The following SCN9A variants were observed in gnomAD, a reference collection of about 807,000 sequenced individuals.
SCN9A encodes the protein sodium channel protein type 9 subunit alpha.
Under a neutral mutation model 187.0 loss-of-function variants are expected in SCN9A, and 131 were observed. The ratio of observed to expected loss-of-function variants is 0.70; its 90% confidence interval spans 0.61 to 0.81. The LOEUF (loss-of-function observed/expected upper bound fraction) is 0.81, where lower values mean the gene tolerates loss of function less well. SCN9A is among the 30% of genes least tolerant of loss of function. The pLI is 0.00. For synonymous variants in SCN9A, 809 were observed against 808.6 expected (o/e 1.00, Z -0.01); for missense variants, 2,252 against 2,396.6 (o/e 0.94, Z 1.26).
At chr2:166,307,150 T>A in intron 2 of SCN9A, 76 bp from the exon 3 acceptor site, 1 of 825,492 alleles carries the variant, frequency 1.2e-6, no homozygotes, top group Non-Finnish European at 2.0e-6. Context: ...GCAGTTTACC[T>A]TTCTACATGG....
chr2:166,361,231 T>C (rs911007845), intron 1 of SCN9A, among the ~76,000 whole-genome samples: 1 of 152,198 alleles, frequency 6.6e-6, no homozygotes, highest in African/African-American at 2.4e-5. Context: ...TTAGTGATTT[T>C]AGCAACTTTC....
chr2:166,329,323 C>G (rs927281281), intron 1 of SCN9A, among the ~76,000 whole-genome samples: 7 of 152,084 alleles, frequency 4.6e-5, no homozygotes, highest in Admixed American at 1.3e-4. Flanking sequence ...TTTACCCCCG[C>G]AGCAAGTTAT....
intron 24 of SCN9A, among the ~76,000 whole-genome samples, chr2:166,220,964 T>C (rs190891490): frequency 6.6e-6 from 1 of 152,216 alleles, no homozygotes; most frequent in East Asian, 1.9e-4. Flanking sequence ...TTACTAGATG[T>C]TGAAGGATAT....
rs532419055 is a variant in SCN9A at position 166,293,099 on chromosome 2, T to C, written c.1107+132A>G. ...ATTAGTGATGGGAGTAAAACACTTA[T>C]AATTTTGGTAATAAGATAATAGAGT... On this transcript the variant is annotated intron_variant, in intron 9 of 26. Transcript: ENST00000642356. The C allele has an allele frequency of 5.5e-6, 4 of 721,788 alleles. No individual in the cohort carries two copies. The South Asian group carries it at 6.5e-5, about 12-fold the overall frequency. 44.7% of individuals were successfully genotyped at this position (721,788 alleles called of 1,614,324 possible).
chr2:166,303,965 A>C, intron 6 of SCN9A: 3 of 1,446,030 alleles, frequency 2.1e-6, no homozygotes, highest in Non-Finnish European at 9.6e-7. Flanking sequence ...TGCATAAAGA[A>C]AGGTTTTTTT....
At chr2:166,263,792 CA>C (rs1249631685) in intron 17 of SCN9A, among the ~76,000 whole-genome samples, 2 of 151,948 alleles carry the variant, frequency 1.3e-5, no homozygotes, top group African/African-American at 4.8e-5. Flanking sequence ...CCGAGACACA[CA>C]GGGAGAAAAC....
At chr2:166,228,581 A>G (rs2106386968) in intron 22 of SCN9A, 110 bp downstream of exon 22, 2 of 1,117,210 alleles carry the variant, frequency 1.8e-6, no homozygotes, top group South Asian at 1.7e-5. Context: ...TTTAAAAACC[A>G]CACAGTATTT....
chr2:166,306,029 G>A (rs1337294895), intron 4 of SCN9A, 109 bp from the exon 5 acceptor site: 2 of 1,308,592 alleles, frequency 1.5e-6, no homozygotes, highest in East Asian at 4.7e-5. Flanking sequence ...TATATTGGAG[G>A]ATGGCTGTTG....
At chr2:166,266,779 CTTG>C (rs1243004259) in intron 17 of SCN9A, among the ~76,000 whole-genome samples, 3 of 151,574 alleles carry the variant, frequency 2.0e-5, no homozygotes, top group African/African-American at 4.8e-5. Context: ...ATTTCACCTC[CTTG>C]TTTAAATTTA....
At chr2:166,222,976 C>CAAAAAAAAAAA (rs1694686070) in intron 24 of SCN9A, among the ~76,000 whole-genome samples, 1 of 59,498 alleles carries the variant, frequency 1.7e-5, no homozygotes, top group Non-Finnish European at 3.7e-5. Flanking sequence ...AAAAAAACAG[C>CAAAAAAAAAAA]AACAAAAAAC....
At position 166,280,414 on chromosome 2, in the gene SCN9A, A is replaced by G. The variant is rs2106475459; in HGVS notation, c.2286T>C (p.Ala762=). 6.3e-7 allele frequency: 1 copy of G among 1,592,222 alleles called. No homozygotes were observed. Among genetic ancestry groups the G allele is most frequent in the Non-Finnish European group, 8.6e-7 (1 of 1,167,828 alleles). ...ICIVLNTLFM[A]MEHHPMTEEF... Reference sequence around the variant, plus strand: ...CCTCAGTCATTGGGTGGTGTTCCATAGCCATAAATAATGTGTTTAAAACTA... The same window carrying G: ...CCTCAGTCATTGGGTGGTGTTCCATGGCCATAAATAATGTGTTTAAAACTA... Residue 762 remains alanine, a synonymous_variant, in exon 14 of 27, where the codon GCT becomes GCC. Coordinates refer to ENST00000642356, the MANE Select transcript of SCN9A (RefSeq NM_001365536.1).
intron 2 of SCN9A, among the ~76,000 whole-genome samples, chr2:166,311,174 C>A: frequency 7.8e-6 from 1 of 128,348 alleles, no homozygotes; most frequent in Non-Finnish European, 1.6e-5. Context: ...GTGCAGCGCA[C>A]CAGCATGGCA....
intron 17 of SCN9A, among the ~76,000 whole-genome samples, chr2:166,256,284 A>G (rs1374865862): frequency 2.0e-5 from 3 of 151,410 alleles, no homozygotes; most frequent in African/African-American, 7.3e-5. Flanking sequence ...TCTTGAGTGT[A>G]ATCACATTTC....
chr2:166,322,072 G>A (rs753169837), intron 1 of SCN9A, among the ~76,000 whole-genome samples: 2 of 152,122 alleles, frequency 1.3e-5, no homozygotes, highest in Admixed American at 6.5e-5. Flanking sequence ...CATTCAAAAA[G>A]AAAGGACAAA....
At chr2:166,239,448 C>T (rs981204432) in intron 19 of SCN9A, among the ~76,000 whole-genome samples, 3 of 152,096 alleles carry the variant, frequency 2.0e-5, no homozygotes, top group Admixed American at 6.6e-5. Context: ...GTTCTGCTTT[C>T]AATACTCTAA....
intron 22 of SCN9A, among the ~76,000 whole-genome samples, chr2:166,228,490 C>A (rs1694940364): frequency 6.6e-6 from 1 of 151,996 alleles, no homozygotes; most frequent in South Asian, 2.1e-4. Flanking sequence ...AACTCCTGAC[C>A]TCATGATCTG....
chr2:166,303,576 A>C (rs2106523026), intron 6 of SCN9A, among the ~76,000 whole-genome samples: 1 of 152,304 alleles, frequency 6.6e-6, no homozygotes, highest in Non-Finnish European at 1.5e-5. Context: ...AATTTTTGTA[A>C]GTTCTAATGT....
intron 18 of SCN9A, among the ~76,000 whole-genome samples, chr2:166,244,256 A>G (rs1259796592): frequency 6.6e-6 from 1 of 152,096 alleles, no homozygotes; most frequent in East Asian, 1.9e-4. Context: ...CTGAAGTCAG[A>G]ACAGTTTTTG....
intron 1 of SCN9A, among the ~76,000 whole-genome samples, chr2:166,347,981 G>A (rs1159974174): frequency 6.6e-6 from 1 of 152,052 alleles, no homozygotes; most frequent in African/African-American, 2.4e-5. Flanking sequence ...ATAAGTCCAG[G>A]ACCTACATAG....
Sources: gnomAD v4.1 joint callset for allele counts (sites outside exome capture counted in the v4.1 genomes callset) on GRCh38, gnomAD v4.1.1 for gene constraint, MANE v1.5 for transcripts, NCBI Gene and HGNC (gene_info 2026-07-23, HGNC 2026-07-21) for gene names.